The following RARB variants were observed in gnomAD, a reference collection of about 807,000 sequenced individuals.
RARB encodes retinoic acid receptor beta.
A neutral mutation model predicts 51.9 loss-of-function variants in RARB; 17 were observed. That is an observed-to-expected ratio of 0.33 (90% confidence interval 0.22 to 0.49). RARB has a LOEUF of 0.49. RARB is among the 20% of genes least tolerant of loss of function. The probability of loss-of-function intolerance (pLI) is 0.99; values close to 1 mark genes in which losing one functional copy is unlikely to be tolerated. For missense variants in RARB, 369 were observed against 550.8 expected (o/e 0.67, Z 3.30); for synonymous variants, 215 against 195.4 (o/e 1.10, Z -0.84).
chr3:25,261,807 T>A (rs1351397012), intron 5 of RARB, among the ~76,000 whole-genome samples: 2 of 152,154 alleles, frequency 1.3e-5, no homozygotes, highest in Admixed American at 6.6e-5. Flanking sequence ...ATGCCTTACA[T>A]CCCAGCCATC....
intron 5 of RARB, among the ~76,000 whole-genome samples, chr3:25,226,462 T>C (rs1020498501): frequency 2.0e-5 from 3 of 152,218 alleles, no homozygotes; most frequent in Non-Finnish European, 4.4e-5. Context: ...AGGTTTATTA[T>C]GATTTTTCAA....
intron 5 of RARB, among the ~76,000 whole-genome samples, chr3:25,292,563 A>G (rs1471428676): frequency 2.0e-5 from 3 of 152,214 alleles, no homozygotes; most frequent in Non-Finnish European, 4.4e-5. Flanking sequence ...TTCTAAAACA[A>G]GAGAGAGCTT....
At chr3:25,198,408 C>A (rs321527) in intron 5 of RARB, among the ~76,000 whole-genome samples, 29,220 of 151,872 alleles carry the variant, frequency 0.19, 2,989 homozygotes, top group African/African-American at 0.26. Context: ...GCAACCAAAG[C>A]AAAAATGGAC....
At chr3:25,467,549 A>G (rs1174266351) in intron 2 of RARB, among the ~76,000 whole-genome samples, 2 of 152,078 alleles carry the variant, frequency 1.3e-5, no homozygotes, top group Non-Finnish European at 2.9e-5. Flanking sequence ...ACCAGCTCAA[A>G]CAAACACTTC....
chr3:25,211,466 G>T (rs567900122), intron 5 of RARB, among the ~76,000 whole-genome samples: 2 of 152,136 alleles, frequency 1.3e-5, no homozygotes, highest in African/African-American at 2.4e-5. Flanking sequence ...GCAATATATT[G>T]CAAAAGCATT....
intron 2 of RARB, among the ~76,000 whole-genome samples, chr3:24,909,845 G>C (rs75462943): frequency 3.9e-5 from 6 of 151,978 alleles, no homozygotes; most frequent in Admixed American, 3.9e-4. Context: ...GAATTTTAAT[G>C]TTTGTATGCA....
At chr3:25,294,466 G>A (rs781021078) in intron 5 of RARB, among the ~76,000 whole-genome samples, 54 of 152,324 alleles carry the variant, frequency 3.5e-4, no homozygotes, top group Non-Finnish European at 6.3e-4. Context: ...TGGTCATACA[G>A]TTGATGTAAG....
chr3:24,988,608 G>A (rs1024320995), intron 2 of RARB, among the ~76,000 whole-genome samples: 1 of 151,904 alleles, frequency 6.6e-6, no homozygotes, highest in African/African-American at 2.4e-5. Context: ...AATAGTTTTG[G>A]TTCTTCTGTT....
chr3:25,499,372 C>T (rs1697185524), intron 2 of RARB, among the ~76,000 whole-genome samples: 2 of 152,190 alleles, frequency 1.3e-5, no homozygotes, highest in Admixed American at 6.5e-5. Flanking sequence ...GACTTCCTCA[C>T]TCTTAATACT....
chr3:25,431,411 C>T (rs1708201956), intron 1 of RARB, among the ~76,000 whole-genome samples: 1 of 152,046 alleles, frequency 6.6e-6, no homozygotes, highest in Admixed American at 6.6e-5. Flanking sequence ...CAGCCAGCTG[C>T]CATTTGTAGT....
At chr3:25,205,325 C>T (rs900725625) in intron 5 of RARB, among the ~76,000 whole-genome samples, 1 of 152,188 alleles carries the variant, frequency 6.6e-6, no homozygotes, top group African/African-American at 2.4e-5. Context: ...CTGCCTGTCA[C>T]CCCTTTCCTT....
chr3:25,520,644 G>A (rs1418645031), intron 3 of RARB, among the ~76,000 whole-genome samples: 1 of 152,188 alleles, frequency 6.6e-6, no homozygotes, highest in Admixed American at 6.5e-5. Context: ...TTCCAGAAGA[G>A]GAGAGAGAAA....
At chr3:25,428,120 G>A (rs1708050624), upstream of RARB, 1 of 792,264 alleles carries the variant, frequency 1.3e-6, no homozygotes, top group Non-Finnish European at 1.7e-6. Context: ...GCTTTTGCAG[G>A]GCTGCTGGGA....
chr3:24,976,608 G>A (rs1172547948), intron 2 of RARB, among the ~76,000 whole-genome samples: 2 of 151,984 alleles, frequency 1.3e-5, no homozygotes, highest in African/African-American at 4.8e-5. Flanking sequence ...TCCACTTTTT[G>A]AAGGGTTTTT....
At chr3:24,907,355 A>C (rs114525594) in intron 2 of RARB, among the ~76,000 whole-genome samples, 447 of 152,348 alleles carry the variant, frequency 2.9e-3, no homozygotes, top group African/African-American at 0.01. Context: ...TGCTGATGCC[A>C]CTGGCCTAGG....
chr3:24,903,389 A>G (rs1323503093), intron 2 of RARB, among the ~76,000 whole-genome samples: 2 of 152,152 alleles, frequency 1.3e-5, no homozygotes, highest in Non-Finnish European at 1.5e-5. Context: ...TTTGAAACTG[A>G]TAAATATTAA....
At chr3:25,061,848 T>TA (rs994330354) in intron 3 of RARB, among the ~76,000 whole-genome samples, 2 of 151,798 alleles carry the variant, frequency 1.3e-5, no homozygotes, top group Admixed American at 6.6e-5. Flanking sequence ...AAAAAGAACT[T>TA]ACCCAACTTA....
At chr3:24,943,847 C>T (rs1386528295) in intron 2 of RARB, among the ~76,000 whole-genome samples, 2 of 152,138 alleles carry the variant, frequency 1.3e-5, no homozygotes, top group Non-Finnish European at 2.9e-5. Context: ...GGTCAATTGT[C>T]ATGGTCATTA....
At chr3:25,200,695 G>A (rs1449589780) in intron 5 of RARB, among the ~76,000 whole-genome samples, 3 of 152,004 alleles carry the variant, frequency 2.0e-5, no homozygotes, top group Non-Finnish European at 4.4e-5. Context: ...TTATTAAATA[G>A]GTAATCCTTT....
Sources: gnomAD v4.1 joint callset for allele counts (sites outside exome capture counted in the v4.1 genomes callset) on GRCh38, gnomAD v4.1.1 for gene constraint, MANE v1.5 for transcripts, NCBI Gene and HGNC (gene_info 2026-07-23, HGNC 2026-07-21) for gene names.